Variants in RPA3 observed in about 807,000 individuals in gnomAD.
RPA3 encodes replication protein A 14 kDa subunit.
RPA3 carries 24 observed loss-of-function variants against 13.7 expected under a neutral mutation model. The ratio of observed to expected loss-of-function variants is 1.75; its 90% CI spans 1.27 to 2.46. RPA3 has a LOEUF of 2.46. RPA3 is among the 30% of genes most tolerant of loss of function. The pLI is 0.00. For missense variants in RPA3, 183 were observed against 151.0 expected (o/e 1.21, Z -1.11); for synonymous variants, 59 against 51.2 (o/e 1.15, Z -0.65).
At chr7:7,655,027 A>G (rs1330867108) in intron 4 of RPA3, among the ~76,000 whole-genome samples, 1 of 152,152 alleles carries the variant, frequency 6.6e-6, no homozygotes, top group East Asian at 1.9e-4. Context: ...ATTCTAGAAA[A>G]TTAGTAATTC....
chr7:7,659,873 G>A (rs192236408), intron 4 of RPA3, among the ~76,000 whole-genome samples: 7 of 152,180 alleles, frequency 4.6e-5, no homozygotes, highest in East Asian at 1.9e-4. Flanking sequence ...TTTCTGTCTC[G>A]TTGATGTATC....
At chr7:7,672,595 C>T (rs889480421) in intron 4 of RPA3, among the ~76,000 whole-genome samples, 16 of 152,144 alleles carry the variant, frequency 1.1e-4, no homozygotes, top group African/African-American at 3.1e-4. Context: ...ATGTTGTTCT[C>T]GTGATAGTGA....
chr7:7,657,373 A>G (rs1785368591), intron 4 of RPA3, among the ~76,000 whole-genome samples: 2 of 152,198 alleles, frequency 1.3e-5, no homozygotes, highest in Non-Finnish European at 2.9e-5. Flanking sequence ...TGTTTTAGTC[A>G]TGAAGTCTTT....
At chr7:7,662,090 G>A (rs533678463) in intron 4 of RPA3, among the ~76,000 whole-genome samples, 116 of 152,246 alleles carry the variant, frequency 7.6e-4, no homozygotes, top group African/African-American at 2.6e-3. Flanking sequence ...GATCTTTCCC[G>A]GCATCTTTGT....
chr7:7,653,578 C>T (rs894746698), intron 4 of RPA3, among the ~76,000 whole-genome samples: 1 of 152,216 alleles, frequency 6.6e-6, no homozygotes, highest in African/African-American at 2.4e-5. Context: ...TACCCATTCA[C>T]AGAGGAGTTA....
intron 2 of RPA3, among the ~76,000 whole-genome samples, chr7:7,688,275 T>C (rs1434684394): frequency 1.3e-5 from 2 of 152,202 alleles, no homozygotes; most frequent in African/African-American, 4.8e-5. Flanking sequence ...TATTTTTATC[T>C]TAATGGTAAA....
intron 4 of RPA3, among the ~76,000 whole-genome samples, chr7:7,649,114 T>A (rs1314405996): frequency 2.2e-5 from 3 of 136,402 alleles, no homozygotes; most frequent in Non-Finnish European, 3.0e-5. Flanking sequence ...GCCAAGATTG[T>A]GCCACTGCAC....
At chr7:7,699,007 A>T (rs1780387203) in intron 2 of RPA3, among the ~76,000 whole-genome samples, 1 of 147,898 alleles carries the variant, frequency 6.8e-6, no homozygotes, top group Non-Finnish European at 1.5e-5. Flanking sequence ...GGAGTGCACC[A>T]TCATGCCCAG....
intron 4 of RPA3, chr7:7,641,424 C>T (rs533058444): frequency 1.3e-5 from 2 of 152,388 alleles, no homozygotes; most frequent in South Asian, 4.1e-4. Flanking sequence ...TTTTCCCCAT[C>T]TGCAAAACGA....
At chr7:7,712,892 T>C (rs1780802373) in intron 2 of RPA3, among the ~76,000 whole-genome samples, 1 of 152,192 alleles carries the variant, frequency 6.6e-6, no homozygotes, top group African/African-American at 2.4e-5. Context: ...TGGTATAAGA[T>C]TTGATTTTAA....
At chr7:7,708,314 T>TGACTTGTAGAC (rs1780657433) in intron 2 of RPA3, among the ~76,000 whole-genome samples, 1 of 152,198 alleles carries the variant, frequency 6.6e-6, no homozygotes, top group Non-Finnish European at 1.5e-5. Flanking sequence ...TAGTTAATGT[T>TGACTTGTAGAC]GAATAAGCTA....
intron 2 of RPA3, among the ~76,000 whole-genome samples, chr7:7,699,823 GAATTGGCATGGTAAGAACTCTA>G (rs1378039560): frequency 6.6e-6 from 1 of 152,190 alleles, no homozygotes; most frequent in Non-Finnish European, 1.5e-5. Flanking sequence ...ATGAGTAGAT[GAATTGGCATGGTAAGAACTCTA>G]AACTGAGCTC....
At chr7:7,677,494 A>AGAAAATGT (rs1452763785) in intron 4 of RPA3, among the ~76,000 whole-genome samples, 2 of 152,048 alleles carry the variant, frequency 1.3e-5, no homozygotes, top group African/African-American at 4.8e-5. Flanking sequence ...CATATGAGTG[A>AGAAAATGT]GAAAATGTGA....
intron 4 of RPA3, among the ~76,000 whole-genome samples, chr7:7,668,013 C>T (rs1399513827): frequency 6.6e-6 from 1 of 152,052 alleles, no homozygotes; most frequent in Non-Finnish European, 1.5e-5. Flanking sequence ...GCCTTCTGGG[C>T]TCAAGCAGTC....
chr7:7,639,841 T>A, intron 5 of RPA3: 1 of 172,906 alleles, frequency 5.8e-6, no homozygotes, highest in Non-Finnish European at 1.2e-5. Flanking sequence ...AACTTCACTT[T>A]AATACTGGGG....
At chr7:7,677,320 G>A (rs1197021567) in intron 4 of RPA3, among the ~76,000 whole-genome samples, 2 of 151,370 alleles carry the variant, frequency 1.3e-5, no homozygotes, top group African/African-American at 4.9e-5. Flanking sequence ...TCACCCTATT[G>A]TGCTACCAAA....
At chr7:7,703,529 T>A (rs1291477062) in intron 2 of RPA3, among the ~76,000 whole-genome samples, 1 of 152,226 alleles carries the variant, frequency 6.6e-6, no homozygotes, top group Non-Finnish European at 1.5e-5. Context: ...GTAACCTATA[T>A]TGAATCCCAG....
At chr7:7,642,469 AT>A (rs10595305) in intron 4 of RPA3, among the ~76,000 whole-genome samples, 56,636 of 149,880 alleles carry the variant, frequency 0.38, 12,386 homozygotes, top group East Asian at 0.78. Context: ...TGTAATAGTG[AT>A]TTTTTTTTTT....
chr7:7,672,097 C>T (rs545682004), intron 4 of RPA3, among the ~76,000 whole-genome samples: 2 of 152,186 alleles, frequency 1.3e-5, no homozygotes, highest in Non-Finnish European at 2.9e-5. Context: ...AAGGCTTTCA[C>T]TCACATTAAA....
Sources: allele counts gnomAD v4.1 joint callset (sites outside exome capture counted in the v4.1 genomes callset), GRCh38; gene constraint gnomAD v4.1.1; transcripts MANE v1.5; gene names NCBI Gene and HGNC (gene_info 2026-07-23, HGNC 2026-07-21).